GRID2: variants seen among roughly 807,000 people sequenced by gnomAD.
GRID2 encodes the protein glutamate ionotropic receptor delta type subunit 2, also known as glutamate receptor ionotropic, delta-2.
GRID2 carries 33 observed loss-of-function variants against 114.8 expected under a neutral mutation model. The ratio of observed to expected loss-of-function variants is 0.29; its 90% CI spans 0.22 to 0.38. The LOEUF is 0.38. GRID2 is among the 10% of genes least tolerant of loss of function. The probability of loss-of-function intolerance (pLI) is 1.00; values close to 1 mark genes in which losing one functional copy is unlikely to be tolerated. For missense variants in GRID2, 1,184 were observed against 1,257.7 expected, an observed-to-expected ratio of 0.94 and a Z score of 0.89; for synonymous variants, 505 against 449.9, an observed-to-expected ratio of 1.12 and a Z score of -1.55.
intron 1 of GRID2, among the ~76,000 whole-genome samples, chr4:92,561,161 G>A (rs1727087525): frequency 6.6e-6 from 1 of 152,164 alleles, no homozygotes; most frequent in Admixed American, 6.5e-5. Context: ...AAATGTTGAA[G>A]ACTTAAAAAG....
At chr4:93,123,595 G>A (rs558527014) in intron 4 of GRID2, among the ~76,000 whole-genome samples, 1 of 152,256 alleles carries the variant, frequency 6.6e-6, no homozygotes, top group Non-Finnish European at 1.5e-5. Flanking sequence ...AACACGAAGT[G>A]TGCAAAATAA....
At chr4:93,008,088 A>C (rs932385636) in intron 2 of GRID2, among the ~76,000 whole-genome samples, 3 of 152,046 alleles carry the variant, frequency 2.0e-5, no homozygotes, top group Admixed American at 1.3e-4. Flanking sequence ...GATGGCAGTC[A>C]ATTTAAAGCT....
chr4:93,176,329 A>G (rs1365636720), intron 4 of GRID2, among the ~76,000 whole-genome samples: 1 of 152,186 alleles, frequency 6.6e-6, no homozygotes, highest in Non-Finnish European at 1.5e-5. Context: ...TGATGAGCCT[A>G]AAGTGAAACA....
intron 1 of GRID2, among the ~76,000 whole-genome samples, chr4:92,472,473 T>G (rs1000559843): frequency 1.3e-5 from 2 of 152,170 alleles, no homozygotes; most frequent in Non-Finnish European, 2.9e-5. Context: ...TTCATTTGGT[T>G]GGTATAAGTT....
At chr4:92,419,586 C>T (rs1182127940) in intron 1 of GRID2, among the ~76,000 whole-genome samples, 2 of 151,990 alleles carry the variant, frequency 1.3e-5, no homozygotes, top group African/African-American at 4.8e-5. Flanking sequence ...TGGGCAGGTT[C>T]AAGTGGGAAA....
intron 2 of GRID2, among the ~76,000 whole-genome samples, chr4:92,941,417 C>A (rs1751120142): frequency 6.6e-6 from 1 of 151,776 alleles, no homozygotes; most frequent in African/African-American, 2.4e-5. Context: ...TGGTGATATC[C>A]CCTTTATCAT....
chr4:93,542,192 T>A (rs1732716344), intron 13 of GRID2, among the ~76,000 whole-genome samples: 1 of 152,330 alleles, frequency 6.6e-6, no homozygotes, highest in South Asian at 2.1e-4. Flanking sequence ...AAAGACCTTG[T>A]CTGTCTCCTC....
chr4:92,487,601 A>G (rs962235847), intron 1 of GRID2, among the ~76,000 whole-genome samples: 1 of 151,968 alleles, frequency 6.6e-6, no homozygotes. Flanking sequence ...AAGAATTTCT[A>G]TCTTTTTATC....
chr4:93,370,527 T>C (rs1300508028), intron 8 of GRID2, among the ~76,000 whole-genome samples: 1 of 151,582 alleles, frequency 6.6e-6, no homozygotes, highest in African/African-American at 2.4e-5. Flanking sequence ...TTCCTTGATA[T>C]TGCAGTCACA....
intron 2 of GRID2, among the ~76,000 whole-genome samples, chr4:92,663,545 T>C (rs1437073181): frequency 6.6e-6 from 1 of 151,218 alleles, no homozygotes; most frequent in Admixed American, 6.6e-5. Flanking sequence ...TGCCTAATAT[T>C]GTGTCATTTT....
intron 1 of GRID2, among the ~76,000 whole-genome samples, chr4:92,310,147 A>G (rs574877341): frequency 2.0e-5 from 3 of 152,140 alleles, no homozygotes; most frequent in Admixed American, 6.5e-5. Flanking sequence ...CTCCACCACT[A>G]CTATCACTAC....
Position 92,868,634 on chromosome 4 carries a change from T to A in GRID2, c.245-216361T>A, listed in dbSNP as rs149983088. ...CTAAATTGTGCCATCTTTATAGTAG[T>A]TTGTATTATGTCTTTTGATAAATTG... is the stretch of plus-strand genomic sequence containing the variant. On this transcript the variant is annotated intron_variant, in intron 2 of 15. Coordinates refer to ENST00000282020, the MANE Select transcript of GRID2 (RefSeq NM_001510.4). Among the ~76,000 whole-genome samples, 3 of 152,230 alleles carry A rather than the reference T, an allele frequency of 2.0e-5. No homozygotes were observed. The East Asian group carries it at 5.8e-4, about 29-fold the overall frequency.
At chr4:93,275,585 C>T (rs1228860598) in intron 8 of GRID2, among the ~76,000 whole-genome samples, 3 of 151,798 alleles carry the variant, frequency 2.0e-5, no homozygotes, top group Admixed American at 6.6e-5. Context: ...TTCTCCACAT[C>T]TTCACCACCA....
At chr4:92,572,007 A>G (rs1035205112) in intron 1 of GRID2, among the ~76,000 whole-genome samples, 3 of 152,176 alleles carry the variant, frequency 2.0e-5, no homozygotes, top group African/African-American at 4.8e-5. Context: ...TTCAAAAGCT[A>G]GCAGAAAGCA....
chr4:92,670,542 C>T (rs945561128), intron 2 of GRID2, among the ~76,000 whole-genome samples: 1 of 151,964 alleles, frequency 6.6e-6, no homozygotes, highest in Admixed American at 6.6e-5. Flanking sequence ...ATACTACTTA[C>T]TTTATAAGGT....
intron 2 of GRID2, among the ~76,000 whole-genome samples, chr4:92,670,984 A>G (rs2149276179): frequency 6.6e-6 from 1 of 152,240 alleles, no homozygotes; most frequent in Middle Eastern, 3.4e-3. Flanking sequence ...CAAAATGTAT[A>G]TATCAAATAT....
intron 2 of GRID2, among the ~76,000 whole-genome samples, chr4:92,658,294 A>C (rs1278726085): frequency 6.6e-6 from 1 of 151,762 alleles, no homozygotes; most frequent in Non-Finnish European, 1.5e-5. Context: ...AATTATTCTA[A>C]TTTCTCTATT....
At chr4:93,172,791 A>C (rs1188725299) in intron 4 of GRID2, among the ~76,000 whole-genome samples, 1 of 152,308 alleles carries the variant, frequency 6.6e-6, no homozygotes, top group African/African-American at 2.4e-5. Context: ...CTTTAATTGC[A>C]CCAAGACCAA....
chr4:92,571,988 A>G (rs376917988), intron 1 of GRID2, among the ~76,000 whole-genome samples: 1 of 152,060 alleles, frequency 6.6e-6, no homozygotes, highest in South Asian at 2.1e-4. Flanking sequence ...AGAAGCAAGA[A>G]CAAACACATT....
Sources: gnomAD v4.1 joint callset for allele counts (sites outside exome capture counted in the v4.1 genomes callset) on GRCh38, gnomAD v4.1.1 for gene constraint, MANE v1.5 for transcripts, NCBI Gene and HGNC (gene_info 2026-07-23, HGNC 2026-07-21) for gene names.